The following PDE8B variants were observed in gnomAD, a reference collection of about 807,000 sequenced individuals.
PDE8B encodes the protein high affinity cAMP-specific and IBMX-insensitive 3',5'-cyclic phosphodiesterase 8B.
Under a neutral mutation model 101.3 loss-of-function variants are expected in PDE8B, and 26 were observed. The ratio of observed to expected loss-of-function variants is 0.26; its 90% CI spans 0.19 to 0.36. The LOEUF is 0.36. PDE8B is among the 10% of genes least tolerant of loss of function. The pLI is 1.00. For synonymous variants in PDE8B, 424 were observed against 429.3 expected (o/e 0.99, Z 0.15); for missense variants, 810 against 1,163.1 (o/e 0.70, Z 4.42).
At chr5:77,245,836 T>TCCCCCACCCCCC (rs1294449774) in intron 1 of PDE8B, among the ~76,000 whole-genome samples, 1 of 6,330 alleles carries the variant, frequency 1.6e-4, no homozygotes, top group African/African-American at 9.1e-4. Context: ...TCCTATAACC[T>TCCCCCACCCCCC]CCTCCCCCCC....
At chr5:77,385,545 G>T (rs1485192197) in intron 10 of PDE8B, among the ~76,000 whole-genome samples, 1 of 151,266 alleles carries the variant, frequency 6.6e-6, no homozygotes, top group Non-Finnish European at 1.5e-5. Flanking sequence ...CTCTTCTCTA[G>T]TTCTTTTAAT....
At chr5:77,171,304 G>C in the PDE8B span, among the ~76,000 whole-genome samples, 1 of 152,106 alleles carries the variant, frequency 6.6e-6, no homozygotes, top group Admixed American at 6.5e-5. Flanking sequence ...TATGACTTGG[G>C]GAAAGAACTG....
chr5:77,418,387 C>A lies in PDE8B; in HGVS notation c.2070C>A (p.Ala690=), dbSNP rs372287913. 6 of 1,614,040 alleles carry A rather than the reference C, an allele frequency of 3.7e-6. No individual in the cohort carries two copies. The African/African-American group carries it at 6.7e-5, about 18-fold the overall frequency. ...DTAVLESHHT[A]LAFQLTVKDT... ...CTGTTCTGGAGAGTCACCACACCGC[C>A]CTGGCCTTCCAGCTCACGGTCAAGG... Residue 690 remains alanine, a synonymous_variant, in exon 18 of 22, where the codon GCC becomes GCA. Transcript: ENST00000264917.
chr5:77,210,565 G>C, upstream of PDE8B: 6 of 943,276 alleles, frequency 6.4e-6, no homozygotes, highest in Non-Finnish European at 7.6e-6. The surrounding 1 kb of genome is among the most constrained non-coding windows in gnomAD (Gnocchi z 4.9). Context: ...CGGCGAGGTC[G>C]AGCTGGGCGG....
rs549687973 is a variant in PDE8B, at chr5:77,249,640, G to A, written c.339+38376G>A. 6.6e-5 allele frequency among the ~76,000 whole-genome samples: 10 copies of A among 152,360 alleles called. No individual in the cohort carries two copies. The East Asian group carries it at 1.9e-3, about 29-fold the overall frequency. ...AGTAATGGATGTCTCAAAAATGTGT[G>A]GGATGCAATATGCCACATTTGCAGC... On this transcript the variant is annotated intron_variant, in intron 1 of 21. Coordinates refer to ENST00000264917, the MANE Select transcript of PDE8B (RefSeq NM_003719.5).
intron 1 of PDE8B, among the ~76,000 whole-genome samples, chr5:77,281,455 G>A (rs1478131853): frequency 6.6e-6 from 1 of 152,174 alleles, no homozygotes; most frequent in Non-Finnish European, 1.5e-5. Flanking sequence ...GTGTTGGCAG[G>A]GCTGACTCCT....
rs538327439 is a variant in PDE8B at position 77,245,620 on chromosome 5, TTG to T, written c.339+34367_339+34368del. 4.7e-3 allele frequency among the ~76,000 whole-genome samples: 710 copies of T among 152,244 alleles called. 2 individuals are homozygous for T. Among genetic ancestry groups the T allele is most frequent in the Middle Eastern group, 0.01 (3 of 294 alleles). On this transcript the variant is annotated intron_variant, in intron 1 of 21. Transcript: ENST00000264917. ...TTTGGTCTTTATTTCATGGAGCAGC[TTG>T]TGTGTGTGTGCACATGTGTGCATGT...
chr5:77,197,547 T>C, the PDE8B span, among the ~76,000 whole-genome samples: 10 of 152,210 alleles, frequency 6.6e-5, 1 homozygote, highest in Admixed American at 6.5e-4. Context: ...CCCTAGTTTC[T>C]TAAGGTAGAA....
chr5:77,376,501 C>G (rs922622403), intron 10 of PDE8B, among the ~76,000 whole-genome samples: 1 of 152,138 alleles, frequency 6.6e-6, no homozygotes, highest in Non-Finnish European at 1.5e-5. Flanking sequence ...CCTTATTAGA[C>G]AGTAAATCCT....
At chr5:77,169,027 G>T in the PDE8B span, among the ~76,000 whole-genome samples, 2 of 152,182 alleles carry the variant, frequency 1.3e-5, no homozygotes, top group East Asian at 3.9e-4. Flanking sequence ...AGAGTCTGGG[G>T]ATTCAAAAAA....
intron 1 of PDE8B, among the ~76,000 whole-genome samples, chr5:77,280,435 G>GA (rs1162832166): frequency 6.6e-5 from 10 of 152,098 alleles, no homozygotes; most frequent in Admixed American, 6.5e-4. Context: ...CAAATTTCTG[G>GA]AAAAATAGTT....
chr5:77,313,939 C>T (rs1773242250), intron 2 of PDE8B, among the ~76,000 whole-genome samples: 3 of 152,156 alleles, frequency 2.0e-5, no homozygotes, highest in Non-Finnish European at 2.9e-5. Context: ...CTATACACAT[C>T]GTTCTTCATT....
In PDE8B at chr5:77,325,870, G is replaced by A. The variant is rs145272878; in HGVS notation, c.590+141G>A. ...TTAAGCAGTGTATACAGATGTCTGT[G>A]GTGAAAGCTATAGCTCCTTCCTGTA... On this transcript the variant is annotated intron_variant, in intron 3 of 21. Transcript: ENST00000264917. 1,439 of 677,306 alleles carry A rather than the reference G, an allele frequency of 2.1e-3. 5 individuals are homozygous for A. The highest frequency in any genetic ancestry group is 3.0e-3 in the Non-Finnish European group (1,166 of 385,786). The allele number at this position is 677,306 out of a possible 1,614,324, so 42.0% of individuals were successfully genotyped here.
chr5:77,424,806 G>A (rs1797573089), intron 20 of PDE8B, among the ~76,000 whole-genome samples: 1 of 143,026 alleles, frequency 7.0e-6, no homozygotes, highest in Non-Finnish European at 1.5e-5. Flanking sequence ...AGTGAAACTG[G>A]TTCTGTTTTT....
At chr5:77,405,358 C>T (rs773579588) in intron 12 of PDE8B, among the ~76,000 whole-genome samples, 31 of 152,328 alleles carry the variant, frequency 2.0e-4, no homozygotes, top group Admixed American at 2.6e-4. Flanking sequence ...CATTTCATTC[C>T]TCGGTGTCTG....
At chr5:77,206,298 A>T (rs1356639179), upstream of PDE8B, among the ~76,000 whole-genome samples, 2 of 152,224 alleles carry the variant, frequency 1.3e-5, no homozygotes, top group Admixed American at 1.3e-4. Context: ...GAGAAGGCAG[A>T]CAATAAACAT....
intron 1 of PDE8B, among the ~76,000 whole-genome samples, chr5:77,309,728 T>G (rs948188574): frequency 2.8e-4 from 43 of 152,134 alleles, no homozygotes; most frequent in African/African-American, 1.0e-3. Flanking sequence ...CAAGCCATTC[T>G]CCTGCCTCAG....
At chr5:77,161,685 A>G in the PDE8B span, among the ~76,000 whole-genome samples, 1 of 152,184 alleles carries the variant, frequency 6.6e-6, no homozygotes, top group African/African-American at 2.4e-5. Context: ...ACATAATTTT[A>G]TAAGACACTG....
chr5:77,317,597 A>G (rs928168247), intron 2 of PDE8B, among the ~76,000 whole-genome samples: 2 of 152,242 alleles, frequency 1.3e-5, no homozygotes, highest in African/African-American at 4.8e-5. Flanking sequence ...ATATTTTCCA[A>G]TCTTGGCTAG....
Sources: allele counts gnomAD v4.1 joint callset (sites outside exome capture counted in the v4.1 genomes callset), GRCh38; gene constraint gnomAD v4.1.1; non-coding constraint Gnocchi (gnomAD v3.1); transcripts MANE v1.5; gene names NCBI Gene and HGNC (gene_info 2026-07-23, HGNC 2026-07-21).